CPEB3: variants seen among roughly 807,000 people sequenced by gnomAD.
The protein encoded by CPEB3 is cytoplasmic polyadenylation element binding protein 3.
A neutral mutation model predicts 67.2 loss-of-function variants in CPEB3; 20 were observed. The ratio of observed to expected loss-of-function variants is 0.30; its 90% confidence interval spans 0.21 to 0.43. CPEB3 has a LOEUF of 0.43. CPEB3 is among the 20% of genes least tolerant of loss of function. CPEB3 has a pLI of 1.00. For synonymous variants in CPEB3, 376 were observed against 393.1 expected (o/e 0.96, Z 0.51); for missense variants, 746 against 968.6 (o/e 0.77, Z 3.05).
chr10:92,072,594 T>G (rs1040944192), intron 9 of CPEB3, among the ~76,000 whole-genome samples: 2 of 152,242 alleles, frequency 1.3e-5, no homozygotes, highest in African/African-American at 4.8e-5. Flanking sequence ...TTAAGCAGTT[T>G]GCCCAAGATC....
intron 2 of CPEB3, among the ~76,000 whole-genome samples, chr10:92,236,798 C>T (rs899700531): frequency 2.6e-5 from 4 of 151,932 alleles, no homozygotes; most frequent in Non-Finnish European, 4.4e-5. Flanking sequence ...GCAATATAAG[C>T]CATGTAAGTA....
rs749285662 is a variant in CPEB3 at position 92,289,718 on chromosome 10, C to CAAAAAAAAAAAAAAAAAAAAA, written c.-12+1207_-12+1208insTTTTTTTTTTTTTTTTTTTTT. ...CAACATGGCGAGACCGCGTCTCTAC[C>CAAAAAAAAAAAAAAAAAAAAA]AAAAAAAAAAAAAAATATATATATA... On this transcript the variant is annotated intron_variant, in intron 1 of 9. Transcript: ENST00000265997. Among the ~76,000 whole-genome samples, 15 of 30,950 alleles carry CAAAAAAAAAAAAAAAAAAAAA rather than the reference C, an allele frequency of 4.8e-4. 1 individual carries two copies. The highest frequency in any genetic ancestry group is 6.1e-4 in the Non-Finnish European group (13 of 21,310). The allele number at this position is 30,950 out of a possible 152,430, so 20.3% of individuals were successfully genotyped here. A position where few individuals can be genotyped will look rare whatever the true frequency, so the allele number is the denominator to read the frequency against.
intron 9 of CPEB3, among the ~76,000 whole-genome samples, chr10:92,060,549 A>AT (rs1340040744): frequency 6.6e-6 from 1 of 152,222 alleles, no homozygotes; most frequent in Non-Finnish European, 1.5e-5. Context: ...ACTTCTGCAC[A>AT]GCAAAGGATA....
intron 9 of CPEB3, among the ~76,000 whole-genome samples, chr10:92,059,508 T>C (rs146306063): frequency 5.3e-5 from 8 of 152,036 alleles, no homozygotes; most frequent in African/African-American, 1.9e-4. Flanking sequence ...AAGTTTATAG[T>C]GTAAGCCTAC....
chr10:92,154,840 A>G (rs754648919), intron 4 of CPEB3, among the ~76,000 whole-genome samples: 71 of 152,218 alleles, frequency 4.7e-4, no homozygotes, highest in Non-Finnish European at 6.3e-4. Flanking sequence ...GAGAGGTGTA[A>G]AAGTCCACTG....
intron 1 of CPEB3, among the ~76,000 whole-genome samples, chr10:92,278,115 G>A (rs994509820): frequency 7.9e-5 from 12 of 151,566 alleles, no homozygotes; most frequent in Non-Finnish European, 1.3e-4. Flanking sequence ...AACCCAGGAA[G>A]AGGAGGTTGC....
intron 2 of CPEB3, chr10:92,216,361 G>T: frequency 6.2e-7 from 1 of 1,610,294 alleles, no homozygotes; most frequent in Non-Finnish European, 8.5e-7. Context: ...ATCCCGAAGG[G>T]CCCGAGGCTC....
chr10:92,121,637 T>G (rs914141652), intron 6 of CPEB3, among the ~76,000 whole-genome samples: 1 of 151,320 alleles, frequency 6.6e-6, no homozygotes, highest in African/African-American at 2.4e-5. Flanking sequence ...CTAATACTAT[T>G]AGTGATGTAT....
At chr10:92,162,018 T>G (rs973689621) in intron 4 of CPEB3, among the ~76,000 whole-genome samples, 13 of 152,180 alleles carry the variant, frequency 8.5e-5, no homozygotes, top group Admixed American at 3.3e-4. Flanking sequence ...TAATATCCTA[T>G]CTATGCTAAG....
At chr10:92,156,482 T>C (rs1847215390) in intron 4 of CPEB3, among the ~76,000 whole-genome samples, 1 of 152,056 alleles carries the variant, frequency 6.6e-6, no homozygotes, top group South Asian at 2.1e-4. Context: ...GGACAAGGCC[T>C]GAGAAAACTA....
chr10:92,127,621 G>A (rs1436526736), intron 6 of CPEB3, among the ~76,000 whole-genome samples: 5 of 152,200 alleles, frequency 3.3e-5, no homozygotes, highest in Non-Finnish European at 7.3e-5. Context: ...GGAGGTTGCA[G>A]TAGGCCAAGA....
chr10:92,259,965 A>G (rs1852720476), intron 1 of CPEB3, among the ~76,000 whole-genome samples: 1 of 152,172 alleles, frequency 6.6e-6, no homozygotes, highest in Non-Finnish European at 1.5e-5. Context: ...CACTGTCACA[A>G]AACTCGTGGC....
chr10:92,074,224 G>A (rs1363808714), intron 9 of CPEB3, among the ~76,000 whole-genome samples: 1 of 152,060 alleles, frequency 6.6e-6, no homozygotes, highest in Non-Finnish European at 1.5e-5. Flanking sequence ...GGGATTACAG[G>A]CATGAGCCAC....
At chr10:92,238,668 G>C (rs897886679) in intron 2 of CPEB3, among the ~76,000 whole-genome samples, 1 of 152,006 alleles carries the variant, frequency 6.6e-6, no homozygotes, top group Non-Finnish European at 1.5e-5. Context: ...ACATGGAGAG[G>C]GTTGCCCTTA....
At chr10:92,282,122 G>T (rs540297353) in intron 1 of CPEB3, among the ~76,000 whole-genome samples, 1 of 152,050 alleles carries the variant, frequency 6.6e-6, no homozygotes, top group Non-Finnish European at 1.5e-5. Context: ...CTCTGCCCTC[G>T]ACCATTGCAT....
At chr10:92,059,258 G>A (rs1216856796) in intron 9 of CPEB3, among the ~76,000 whole-genome samples, 1 of 149,426 alleles carries the variant, frequency 6.7e-6, no homozygotes, top group East Asian at 2.0e-4. Flanking sequence ...CTGGGAGGTG[G>A]AGGTTACAGT....
chr10:92,123,901 C>T (rs1845500926), intron 6 of CPEB3, among the ~76,000 whole-genome samples: 1 of 152,132 alleles, frequency 6.6e-6, no homozygotes. Flanking sequence ...TTTCACCAGA[C>T]CCTCCTAGCT....
chr10:92,120,692 A>C (rs1845322025), intron 6 of CPEB3, among the ~76,000 whole-genome samples: 1 of 152,170 alleles, frequency 6.6e-6, no homozygotes, highest in Admixed American at 6.5e-5. Flanking sequence ...ATATTTAGGA[A>C]TGAGAGTCTA....
Position 92,239,762 on chromosome 10 carries a change from T to C in CPEB3, c.589A>G (p.Ser197Gly). Residue 197 changes from serine (S) to glycine (G), a missense_variant, in exon 2 of 10, where the codon AGC becomes GGC. Transcript: ENST00000265997. The surrounding 1 kb of genome is among the most constrained non-coding windows in gnomAD (Gnocchi z 6.0). ...CTCCTCTGCGCGTAGGGCGCCTGGC[T>C]GGGGCTGGCGGGTGAGCGGCGCTGC... ...PQQRRSPASPSQAPYAQRSAA... is the reference protein window; with the variant it reads ...PQQRRSPASPGQAPYAQRSAA... 4.8e-6 allele frequency: 7 copies of C among 1,453,752 alleles called. No homozygotes were observed. The highest frequency in any genetic ancestry group is 6.3e-6 in the Non-Finnish European group (7 of 1,110,008). The allele number at this position is 1,453,752 out of a possible 1,614,324, so 90.1% of individuals were successfully genotyped here. A position where few individuals can be genotyped will look rare whatever the true frequency, so the allele number is the denominator to read the frequency against.
Sources: allele counts gnomAD v4.1 joint callset (sites outside exome capture counted in the v4.1 genomes callset), GRCh38; gene constraint gnomAD v4.1.1; non-coding constraint Gnocchi (gnomAD v3.1); transcripts MANE v1.5; gene names NCBI Gene and HGNC (gene_info 2026-07-23, HGNC 2026-07-21).